Variants in AMZ1 observed in about 807,000 individuals in gnomAD.
AMZ1 encodes the protein archaelysin family metallopeptidase 1.
A neutral mutation model predicts 29.9 loss-of-function variants in AMZ1; 39 were observed. That is an observed-to-expected ratio of 1.30 (90% CI 1.01 to 1.70). AMZ1 has a LOEUF of 1.70. Among genes scored for constraint, AMZ1 ranks in the 40% most tolerant of loss-of-function variants. The probability of loss-of-function intolerance (pLI) is 0.00; values close to 1 mark genes in which losing one functional copy is unlikely to be tolerated. For synonymous variants in AMZ1, 458 were observed against 304.0 expected (o/e 1.51, Z -5.27); for missense variants, 1,041 against 680.6 (o/e 1.53, Z -5.89).
Position 2,709,768 on chromosome 7 carries a change from G to A in AMZ1, c.900G>A (p.Leu300=), listed in dbSNP as rs1788641737. ...RRPLDLCPIC[L]RKLQHVLGFR... Reference sequence around the variant, plus strand: ...CCCTGGACCTCTGTCCCATCTGCCTGAGGAAGCTGCAGCATGTCCTGGGTT... The same window carrying A: ...CCCTGGACCTCTGTCCCATCTGCCTAAGGAAGCTGCAGCATGTCCTGGGTT... Residue 300 remains leucine (L), a synonymous_variant, in exon 6 of 7, where the codon CTG becomes CTA. Transcript: ENST00000683327. 1 of 1,612,046 alleles carries A rather than the reference G, an allele frequency of 6.2e-7. No individual in the cohort carries two copies. The highest frequency in any genetic ancestry group is 8.5e-7 in the Non-Finnish European group (1 of 1,179,882).
In AMZ1 at chr7:2,724,824, C is replaced by T. The variant is rs778963009; in HGVS notation, n.550+15008C>T. Among the ~76,000 whole-genome samples the T allele has an allele frequency of 4.6e-5, 7 of 152,212 alleles. No individual in the cohort carries two copies. In the South Asian group the frequency reaches 1.0e-3, roughly 22 times the overall value. ...TCAGCCACGTGCCGAGGCTGCCGGG[C>T]GCGTGAGAGTCTCACAATGACAATG... On this transcript the variant is annotated intron_variant and non_coding_transcript_variant, in intron 4 of 4. Coordinates refer to the AMZ1 transcript ENST00000489665.
At chr7:2,762,433 C>CA (rs1432167918), upstream of AMZ1, 7 of 504,100 alleles carry the variant, frequency 1.4e-5, no homozygotes, top group East Asian at 2.4e-4. Context: ...TGGCCAAGGG[C>CA]AAAAACGCTA....
intron 4 of AMZ1, among the ~76,000 whole-genome samples, chr7:2,757,597 C>A (rs537898237): frequency 9.2e-5 from 14 of 152,170 alleles, no homozygotes; most frequent in Admixed American, 9.2e-4. Context: ...GAGCACGTGG[C>A]GAACTCTGGA....
At chr7:2,733,344 T>C (rs1485710279) in intron 4 of AMZ1, 1 of 853,804 alleles carries the variant, frequency 1.2e-6, no homozygotes, top group Non-Finnish European at 2.0e-6. Flanking sequence ...CAGAACAAGC[T>C]CGGCCTGTCA....
At chr7:2,711,466 A>C (rs1788772576) in intron 6 of AMZ1, among the ~76,000 whole-genome samples, 1 of 152,258 alleles carries the variant, frequency 6.6e-6, no homozygotes, top group South Asian at 2.1e-4. Context: ...ACAGATGTGC[A>C]GTGGGACCTT....
chr7:2,757,238 C>T (rs1357369966), intron 4 of AMZ1, among the ~76,000 whole-genome samples: 1 of 146,072 alleles, frequency 6.8e-6, no homozygotes, highest in African/African-American at 2.6e-5. Context: ...CGGGTTCACG[C>T]CATTCTCCTG....
intron 1 of AMZ1, among the ~76,000 whole-genome samples, chr7:2,697,651 C>T (rs910584031): frequency 1.3e-5 from 2 of 152,248 alleles, no homozygotes; most frequent in East Asian, 3.9e-4. Flanking sequence ...TCTTGAACTC[C>T]TGTGCTCAAG....
At chr7:2,701,845 GTTGGTCT>G (rs1788072300) in intron 2 of AMZ1, among the ~76,000 whole-genome samples, 1 of 152,200 alleles carries the variant, frequency 6.6e-6, no homozygotes, top group Non-Finnish European at 1.5e-5. Context: ...GCGGGTGTCC[GTTGGTCT>G]CAGCATCCAC....
At position 2,709,669 on chromosome 7, in the gene AMZ1, G is replaced by C. The variant is rs551342347; in HGVS notation, c.801G>C (p.Leu267=). Residue 267 remains leucine (L), a synonymous_variant, in exon 6 of 7, where the codon CTG becomes CTC. Transcript: ENST00000683327. ...CGTGCCACGAGCTCTGCCACCTTCT[G>C]GGCCTGGGGAACTGCCGCTGGCTCC... ...KVTCHELCHL[L]GLGNCRWLRC... is the part of the protein sequence containing the mutation. The C allele has an allele frequency of 2.4e-5, 39 of 1,610,488 alleles. No individual in the cohort carries two copies. The East Asian group carries it at 8.2e-4, about 34-fold the overall frequency.
intron 1 of AMZ1, among the ~76,000 whole-genome samples, chr7:2,698,662 C>A (rs200018471): frequency 6.6e-6 from 1 of 152,036 alleles, no homozygotes; most frequent in Non-Finnish European, 1.5e-5. Flanking sequence ...CATAGTGAGA[C>A]CCCCGTCTCT....
intron 1 of AMZ1, among the ~76,000 whole-genome samples, chr7:2,695,225 C>G (rs1056757411): frequency 1.3e-5 from 2 of 152,116 alleles, no homozygotes; most frequent in Non-Finnish European, 2.9e-5. Flanking sequence ...CCTTTATGGT[C>G]CAGAGGCGGG....
chr7:2,744,552 G>T (rs979451856), intron 4 of AMZ1, among the ~76,000 whole-genome samples: 1 of 152,044 alleles, frequency 6.6e-6, no homozygotes, highest in Admixed American at 6.6e-5. Context: ...AGGTAGAAAA[G>T]ACCACAAAGA....
intron 4 of AMZ1, among the ~76,000 whole-genome samples, chr7:2,733,765 T>C (rs1301248703): frequency 6.6e-6 from 1 of 152,240 alleles, no homozygotes; most frequent in Non-Finnish European, 1.5e-5. Context: ...TTTTGGTGTG[T>C]GGTGCGATGC....
At chr7:2,721,783 C>T (rs970591116), downstream of AMZ1, among the ~76,000 whole-genome samples, 1 of 151,094 alleles carries the variant, frequency 6.6e-6, no homozygotes, top group African/African-American at 2.4e-5. Context: ...TCAGCAGTGG[C>T]GGGGGAGGCA....
chr7:2,709,520 C>A, intron 5 of AMZ1, 120 bp from the exon 6 acceptor site: 1 of 1,434,682 alleles, frequency 7.0e-7, no homozygotes, highest in Non-Finnish European at 9.3e-7. Flanking sequence ...GCGCCTGGAC[C>A]ACCTCCCGGC....
chr7:2,726,580 C>G (rs1277142554), intron 4 of AMZ1, among the ~76,000 whole-genome samples: 1 of 152,224 alleles, frequency 6.6e-6, no homozygotes, highest in Admixed American at 6.5e-5. Flanking sequence ...AGCCTACAGT[C>G]GGAGCACACT....
intron 4 of AMZ1, chr7:2,733,433 G>A (rs767454931): frequency 1.4e-5 from 22 of 1,610,750 alleles, no homozygotes; most frequent in African/African-American, 6.7e-5. Flanking sequence ...GCTTCTTCGG[G>A]CGGGCGTGCT....
At chr7:2,736,810 A>G (rs1186953610) in intron 4 of AMZ1, among the ~76,000 whole-genome samples, 1 of 152,128 alleles carries the variant, frequency 6.6e-6, no homozygotes, top group Non-Finnish European at 1.5e-5. Context: ...CTCGCCCGTC[A>G]CCTCTGTCTC....
At chr7:2,747,392 AG>A (rs1790819180) in intron 4 of AMZ1, among the ~76,000 whole-genome samples, 1 of 152,252 alleles carries the variant, frequency 6.6e-6, no homozygotes, top group South Asian at 2.1e-4. Flanking sequence ...AATGTAATCC[AG>A]TATATAAACA....
Sources: allele counts gnomAD v4.1 joint callset (sites outside exome capture counted in the v4.1 genomes callset), GRCh38; gene constraint gnomAD v4.1.1; transcripts MANE v1.5; gene names NCBI Gene and HGNC (gene_info 2026-07-23, HGNC 2026-07-21).